The following TAS1R1 variants were observed in gnomAD, a reference collection of about 807,000 sequenced individuals.
The protein encoded by TAS1R1 is taste receptor type 1 member 1.
TAS1R1 carries 31 observed loss-of-function variants against 45.8 expected under a neutral mutation model. That is an observed-to-expected ratio of 0.68 (90% CI 0.51 to 0.91). The LOEUF is 0.91. Among genes scored for constraint, TAS1R1 ranks in the 40% least tolerant of loss-of-function variants. The probability of loss-of-function intolerance (pLI) is 0.00; values close to 1 mark genes in which losing one functional copy is unlikely to be tolerated. For missense variants in TAS1R1, 1,051 were observed against 1,063.9 expected (o/e 0.99, Z 0.17); for synonymous variants, 437 against 448.4 (o/e 0.97, Z 0.32).
chr1:6,556,561 C>T (rs1314286088), intron 1 of TAS1R1, among the ~76,000 whole-genome samples: 2 of 151,922 alleles, frequency 1.3e-5, no homozygotes, highest in Non-Finnish European at 2.9e-5. Flanking sequence ...TCACCATACC[C>T]AGCTAATTTT....
chr1:6,572,193 G>A (rs1465046672), intron 2 of TAS1R1, among the ~76,000 whole-genome samples: 3 of 151,710 alleles, frequency 2.0e-5, no homozygotes, highest in African/African-American at 4.9e-5. Context: ...TCTTGCTTTC[G>A]CTGTGAGCTG....
chr1:6,560,624 C>CA (rs1557801574), intron 1 of TAS1R1, among the ~76,000 whole-genome samples: 2 of 152,184 alleles, frequency 1.3e-5, no homozygotes, highest in African/African-American at 2.4e-5. Context: ...GGGTCCCTAA[C>CA]ATTCCATCCT....
chr1:6,562,372 G>A (rs2148668117), intron 1 of TAS1R1, among the ~76,000 whole-genome samples: 1 of 152,314 alleles, frequency 6.6e-6, no homozygotes, highest in East Asian at 1.9e-4. Context: ...GTTTCACCAT[G>A]TTAGCCAGGA....
Position 6,575,157 on chromosome 1 carries a change from C to T in TAS1R1, c.1025C>T (p.Ala342Val). The T allele has an allele frequency of 6.3e-7, 1 of 1,593,692 alleles. No homozygotes were observed. Among genetic ancestry groups the T allele is most frequent in the Non-Finnish European group, 8.5e-7 (1 of 1,171,260 alleles). The change falls in exon 3 of 6, where the codon GCC becomes GTC. Residue 342 changes from alanine to valine, a missense_variant. By Grantham distance (64) the Ala-to-Val change is moderately conservative. Coordinates refer to ENST00000333172, the MANE Select transcript of TAS1R1 (RefSeq NM_138697.4). The stretch of plus-strand genomic sequence containing the variant: ...CTGAAGGCGTTTGAAGAAGCCTATG[C>T]CCGGGCAGACAAGAAGGCCCCTAGG... ...PGLKAFEEAYARADKKAPRPC... is the reference protein window; with the variant it reads ...PGLKAFEEAYVRADKKAPRPC...
intron 1 of TAS1R1, among the ~76,000 whole-genome samples, chr1:6,570,343 G>T (rs188981353): frequency 1.3e-5 from 2 of 152,010 alleles, no homozygotes; most frequent in East Asian, 3.9e-4. Context: ...TTGGCAGAGG[G>T]CCTGCAGGTG....
At chr1:6,566,191 C>T (rs1292426814) in intron 1 of TAS1R1, among the ~76,000 whole-genome samples, 1 of 152,100 alleles carries the variant, frequency 6.6e-6, no homozygotes, top group African/African-American at 2.4e-5. Context: ...GAAATGAGGA[C>T]CATTCCTGAA....
At chr1:6,572,903 C>T (rs1640054497) in intron 2 of TAS1R1, among the ~76,000 whole-genome samples, 2 of 152,180 alleles carry the variant, frequency 1.3e-5, no homozygotes, top group African/African-American at 4.8e-5. Context: ...CCTGTATTAG[C>T]CCCAATCCTC....
Position 6,574,504 on chromosome 1 carries a change from C to G in TAS1R1, c.499-127C>G, listed in dbSNP as rs936071215. On this transcript the variant is annotated intron_variant, in intron 2 of 5. Transcript: ENST00000333172. This position sits in a 1 kb window ranked among gnomAD's most constrained non-coding sequence, Gnocchi z 4.3. ...AGTGGAGCCTTCGCAGGTGATTTGTCAGTTTCACAGGCTGAGGGGTGCTCT... is the reference window on the plus strand; with the variant it reads ...AGTGGAGCCTTCGCAGGTGATTTGTGAGTTTCACAGGCTGAGGGGTGCTCT... The G allele has an allele frequency of 1.1e-5, 14 of 1,218,194 alleles. No homozygotes were observed. Among genetic ancestry groups the G allele is most frequent in the Middle Eastern group, 2.1e-4 (1 of 4,676 alleles). The allele number at this position is 1,218,194 out of a possible 1,614,324, so 75.5% of individuals were successfully genotyped here.
chr1:6,571,175 C>G lies in TAS1R1; in HGVS notation c.458C>G (p.Ala153Gly). The part of the protein sequence containing the change: ...VIGPDSTNRA[A>G]TTAALLSPFL... ...GGGCCTGACAGCACCAACCGTGCTG[C>G]CACCACAGCCGCCCTGCTGAGCCCT... The change falls in exon 2 of 6, where the codon GCC (alanine) becomes GGC (glycine). Residue 153 changes from alanine to glycine, a missense_variant. Ala to Gly is a moderately conservative substitution (Grantham distance 60). Transcript: ENST00000333172. 1 of 1,594,896 alleles carries G rather than the reference C, an allele frequency of 6.3e-7. No individual in the cohort carries two copies. Among genetic ancestry groups the G allele is most frequent in the African/African-American group, 1.3e-5 (1 of 74,792 alleles).
At position 6,579,202 on chromosome 1, in the gene TAS1R1, T is replaced by A. The variant is rs1353106595; in HGVS notation, c.2144T>A (p.Leu715Gln). Residue 715 changes from leucine to glutamine, a missense_variant, in exon 6 of 6, where the codon CTG becomes CAG. Physicochemically the swap from Leu to Gln is moderately radical, Grantham distance 113 (BLOSUM62 -2). Transcript: ENST00000333172. ...PAREYQRFPH[L>Q]VMLECTETNS... ...AGGGAATACCAGCGCTTCCCCCATC[T>A]GGTGATGCTTGAGTGCACAGAGACC... is the stretch of plus-strand genomic sequence containing the variant. The A allele has an allele frequency of 6.2e-7, 1 of 1,614,204 alleles. No individual in the cohort carries two copies. Among genetic ancestry groups the A allele is most frequent in the African/African-American group, 1.3e-5 (1 of 75,066 alleles).
chr1:6,575,487 G>A (rs1640144036), intron 3 of TAS1R1, 95 bp downstream of exon 3: 1 of 1,341,918 alleles, frequency 7.5e-7, no homozygotes, highest in Non-Finnish European at 9.9e-7. Context: ...AATGCCAAGG[G>A]GGATAAATGC....
intron 5 of TAS1R1, among the ~76,000 whole-genome samples, chr1:6,578,429 T>C (rs1640247040): frequency 6.6e-6 from 1 of 152,144 alleles, no homozygotes; most frequent in South Asian, 2.1e-4. Flanking sequence ...CATGGGATCA[T>C]GAGCCATACA....
In TAS1R1 at chr1:6,576,023, T is replaced by A. The variant is rs1030263174; in HGVS notation, c.1261-392T>A. The stretch of plus-strand genomic sequence containing the variant: ...TTTTGTATTTTTAGTAGAGATGGGG[T>A]TTCACCATGTTGGCCAGGCTGGTCT... On this transcript the variant is annotated intron_variant, in intron 3 of 5. Coordinates refer to ENST00000333172, the MANE Select transcript of TAS1R1 (RefSeq NM_138697.4). Among the ~76,000 whole-genome samples the A allele has an allele frequency of 6.6e-5, 10 of 151,878 alleles. No homozygotes were observed. The South Asian group carries it at 8.3e-4, about 13-fold the overall frequency.
chr1:6,559,908 T>G (rs1173491304), intron 1 of TAS1R1, among the ~76,000 whole-genome samples: 1 of 150,524 alleles, frequency 6.6e-6, no homozygotes, highest in Non-Finnish European at 1.5e-5. Flanking sequence ...GAGAATCACT[T>G]GAACCTGGTG....
chr1:6,575,715 T>TA (rs1412500867), intron 3 of TAS1R1, among the ~76,000 whole-genome samples: 1 of 142,280 alleles, frequency 7.0e-6, no homozygotes, highest in East Asian at 2.1e-4. Flanking sequence ...TTTTTTGAGA[T>TA]AGAGTCTCGC....
intron 4 of TAS1R1, 116 bp from the exon 5 acceptor site, chr1:6,576,834 G>GC: frequency 6.5e-7 from 1 of 1,533,128 alleles, no homozygotes; most frequent in Non-Finnish European, 8.9e-7. Context: ...ACGACCAGGG[G>GC]CCCTGCCCTG....
chr1:6,557,842 T>A (rs1178297090), intron 1 of TAS1R1, among the ~76,000 whole-genome samples: 1 of 152,164 alleles, frequency 6.6e-6, no homozygotes, highest in Non-Finnish European at 1.5e-5. Context: ...TAGCTAGGAC[T>A]ACAGGCATGG....
intron 3 of TAS1R1, 152 bp downstream of exon 3, chr1:6,575,544 A>C (rs1273682900): frequency 1.5e-5 from 14 of 952,622 alleles, no homozygotes; most frequent in Non-Finnish European, 2.1e-5. Context: ...TTTTTGAGAC[A>C]GTCTGGCTCT....
intron 1 of TAS1R1, among the ~76,000 whole-genome samples, chr1:6,556,173 T>C (rs1639680761): frequency 6.6e-6 from 1 of 151,754 alleles, no homozygotes; most frequent in Non-Finnish European, 1.5e-5. Flanking sequence ...GCCCAGCCGC[T>C]TTTTCCCTCT....
Sources: gnomAD v4.1 joint callset for allele counts (sites outside exome capture counted in the v4.1 genomes callset) on GRCh38, gnomAD v4.1.1 for gene constraint, Gnocchi (gnomAD v3.1) non-coding constraint, MANE v1.5 for transcripts, NCBI Gene and HGNC (gene_info 2026-07-23, HGNC 2026-07-21) for gene names.